Variants in PIP5K1B observed in about 807,000 individuals in gnomAD.
PIP5K1B encodes phosphatidylinositol 4-phosphate 5-kinase type-1 beta.
PIP5K1B carries 42 observed loss-of-function variants against 67.0 expected under a neutral mutation model. That is an observed-to-expected ratio of 0.63 (90% CI 0.49 to 0.81). PIP5K1B has a LOEUF of 0.81. Ranked by LOEUF, PIP5K1B falls within the 30% of genes least tolerant of loss-of-function variation. The pLI, the probability that PIP5K1B is intolerant of heterozygous loss-of-function variation, is 0.00. For synonymous variants in PIP5K1B, 214 were observed against 231.4 expected, an observed-to-expected ratio of 0.92 and a Z score of 0.68; for missense variants, 459 against 646.3, an observed-to-expected ratio of 0.71 and a Z score of 3.14.
chr9:68,812,768 T>C (rs148825806), intron 2 of PIP5K1B, among the ~76,000 whole-genome samples: 323 of 152,354 alleles, frequency 2.1e-3, no homozygotes, highest in African/African-American at 7.5e-3. Context: ...GCCTGTTCAT[T>C]CCTCATTGAG....
In PIP5K1B at chr9:68,767,421, G is replaced by A. The variant is rs560846321; in HGVS notation, c.-86+24764G>A. On this transcript the variant is annotated intron_variant, in intron 2 of 15. Coordinates refer to ENST00000265382, the MANE Select transcript of PIP5K1B (RefSeq NM_003558.4). ...CCAGCCTGACCAACATGGTGAAACC[G>A]CGTCTCTACTAAAAATACAAAAATT... is the stretch of plus-strand genomic sequence containing the variant. Among the ~76,000 whole-genome samples, 126 of 151,658 alleles carry A rather than the reference G, an allele frequency of 8.3e-4. 1 individual carries two copies. Among genetic ancestry groups the A allele is most frequent in the African/African-American group, 2.7e-3 (112 of 41,384 alleles).
intron 8 of PIP5K1B, among the ~76,000 whole-genome samples, chr9:68,900,040 T>G (rs1825283281): frequency 6.6e-6 from 1 of 152,230 alleles, no homozygotes; most frequent in Non-Finnish European, 1.5e-5. Flanking sequence ...GTTACTAGGT[T>G]AATTCACTTA....
chr9:68,979,517 G>C (rs369042351), intron 14 of PIP5K1B, among the ~76,000 whole-genome samples: 143,210 of 151,456 alleles, frequency 0.95, 67,875 homozygotes, highest in East Asian at 0.99. Flanking sequence ...TAAAAAGGAG[G>C]AACCCTTTTT....
chr9:68,891,442 GT>G (rs1169735410), intron 7 of PIP5K1B, among the ~76,000 whole-genome samples: 210 of 144,450 alleles, frequency 1.5e-3, no homozygotes, highest in East Asian at 5.0e-3. Context: ...TGGCAGGGGA[GT>G]TTTTTTTTTT....
rs542797176 is a variant in PIP5K1B, at chr9:68,857,354, G to A, written c.70-6483G>A. Among the ~76,000 whole-genome samples, 10 of 152,324 alleles carry A rather than the reference G, an allele frequency of 6.6e-5. No individual in the cohort carries two copies. The East Asian group carries it at 1.9e-3, about 29-fold the overall frequency. ...GGTCCCACTTCCTCTCAGAGAGGAG[G>A]AGGTTTGCCTACCCACAAACTGTAT... On this transcript the variant is annotated intron_variant, in intron 4 of 15. Transcript: ENST00000265382.
chr9:68,793,215 G>A (rs1356842842), intron 2 of PIP5K1B, among the ~76,000 whole-genome samples: 1 of 130,288 alleles, frequency 7.7e-6, no homozygotes, highest in Non-Finnish European at 1.7e-5. Context: ...CAATAGTGAG[G>A]ATTATTGCAA....
intron 2 of PIP5K1B, among the ~76,000 whole-genome samples, chr9:68,803,137 T>A (rs1484124972): frequency 6.6e-6 from 1 of 152,190 alleles, no homozygotes; most frequent in African/African-American, 2.4e-5. Context: ...GGAATTGGGA[T>A]GGCCCCTTGA....
chr9:68,980,018 C>T (rs1329261659), intron 14 of PIP5K1B, among the ~76,000 whole-genome samples: 6 of 152,126 alleles, frequency 3.9e-5, no homozygotes, highest in South Asian at 4.1e-4. Context: ...TCCCTGGGTC[C>T]GTGTTGGGGG....
chr9:68,979,514 GAGGAACCC>G (rs1344755943), intron 14 of PIP5K1B, among the ~76,000 whole-genome samples: 6 of 151,750 alleles, frequency 4.0e-5, no homozygotes, highest in Non-Finnish European at 5.9e-5. Flanking sequence ...CTTTAAAAAG[GAGGAACCC>G]TTTTTATATT....
At chr9:68,881,626 C>T (rs1015959855) in intron 6 of PIP5K1B, among the ~76,000 whole-genome samples, 4 of 152,326 alleles carry the variant, frequency 2.6e-5, no homozygotes, top group African/African-American at 9.6e-5. Context: ...TTATGCCCTC[C>T]ATCCCATTAA....
chr9:69,008,671 G>C lies in PIP5K1B; in HGVS notation c.*222G>C. The C allele has an allele frequency of 6.4e-5, 35 of 548,436 alleles. 1 individual carries two copies. In the South Asian group the frequency reaches 7.4e-4, roughly 12 times the overall value. 34.0% of individuals were successfully genotyped at this position (548,436 alleles called of 1,614,324 possible). On this transcript the variant is annotated 3_prime_UTR_variant, in exon 16 of 16. Coordinates refer to ENST00000265382, the MANE Select transcript of PIP5K1B (RefSeq NM_003558.4). ...ATTCTATCATTTGCTGTTGCTTGCTGAACTGTGAAGAACTGCATGAACTAT... is the reference window on the plus strand; with the variant it reads ...ATTCTATCATTTGCTGTTGCTTGCTCAACTGTGAAGAACTGCATGAACTAT...
intron 14 of PIP5K1B, among the ~76,000 whole-genome samples, chr9:68,956,896 C>G (rs1434843993): frequency 6.6e-6 from 1 of 152,160 alleles, no homozygotes; most frequent in African/African-American, 2.4e-5. Context: ...TAGTTCACCT[C>G]AGGTGCCAGC....
intron 2 of PIP5K1B, among the ~76,000 whole-genome samples, chr9:68,803,204 C>T (rs542018860): frequency 3.9e-5 from 6 of 152,030 alleles, no homozygotes; most frequent in African/African-American, 7.2e-5. Flanking sequence ...GGATGGGATA[C>T]GATAAACTGC....
At chr9:68,976,509 G>A (rs1198242965) in intron 14 of PIP5K1B, among the ~76,000 whole-genome samples, 1 of 152,192 alleles carries the variant, frequency 6.6e-6, no homozygotes, top group Non-Finnish European at 1.5e-5. Context: ...CCTGCCTCTT[G>A]CTGTAGCTCC....
At chr9:68,958,935 G>A (rs906560383) in intron 14 of PIP5K1B, among the ~76,000 whole-genome samples, 11 of 152,040 alleles carry the variant, frequency 7.2e-5, no homozygotes, top group African/African-American at 1.4e-4. Flanking sequence ...AAGTATAATC[G>A]TCACCTTTGA....
intron 14 of PIP5K1B, among the ~76,000 whole-genome samples, chr9:68,965,173 T>C (rs1189125653): frequency 6.6e-6 from 1 of 152,132 alleles, no homozygotes; most frequent in Non-Finnish European, 1.5e-5. Flanking sequence ...ACAAATAATA[T>C]CGACTTCACA....
At chr9:68,837,560 G>A (rs922777118) in intron 4 of PIP5K1B, among the ~76,000 whole-genome samples, 2 of 146,862 alleles carry the variant, frequency 1.4e-5, no homozygotes, top group African/African-American at 5.0e-5. Context: ...TTTTGTTGCA[G>A]ATGCTTTTCC....
At chr9:68,832,865 G>A (rs1834391908) in intron 4 of PIP5K1B, among the ~76,000 whole-genome samples, 1 of 152,184 alleles carries the variant, frequency 6.6e-6, no homozygotes, top group Non-Finnish European at 1.5e-5. Context: ...GGAATCGTTT[G>A]GTTATTGAGC....
rs149172250 is a variant in PIP5K1B, at chr9:68,903,957, T to A, written c.771+9319T>A. Among the ~76,000 whole-genome samples, 447 of 152,348 alleles carry A rather than the reference T, an allele frequency of 2.9e-3. 1 individual carries two copies. The highest frequency in any genetic ancestry group is 0.01 in the African/African-American group (422 of 41,594). Reference sequence around the variant, plus strand: ...ATGCATTTCCAAGGCTTACTTTATCTGTGGGTTGGTTCAGGTAACATTTAT... The same window carrying A: ...ATGCATTTCCAAGGCTTACTTTATCAGTGGGTTGGTTCAGGTAACATTTAT... On this transcript the variant is annotated intron_variant, in intron 8 of 15. Coordinates refer to ENST00000265382, the MANE Select transcript of PIP5K1B (RefSeq NM_003558.4).
Sources: allele counts gnomAD v4.1 joint callset (sites outside exome capture counted in the v4.1 genomes callset), GRCh38; gene constraint gnomAD v4.1.1; transcripts MANE v1.5; gene names NCBI Gene and HGNC (gene_info 2026-07-23, HGNC 2026-07-21).